LUZP2: variants seen among roughly 807,000 people sequenced by gnomAD.
LUZP2 encodes the protein leucine zipper protein 2.
LUZP2 carries 52 observed loss-of-function variants against 51.6 expected under a neutral mutation model. The ratio of observed to expected loss-of-function variants is 1.01; its 90% confidence interval spans 0.81 to 1.27. The LOEUF (loss-of-function observed/expected upper bound fraction) is 1.27, where lower values mean the gene tolerates loss of function less well. LUZP2 is among the 50% of genes most tolerant of loss of function. The pLI is 0.00. For synonymous variants in LUZP2, 154 were observed against 137.3 expected (o/e 1.12, Z -0.85); for missense variants, 436 against 395.4 (o/e 1.10, Z -0.87).
At chr11:24,877,517 G>A (rs1852311238) in intron 5 of LUZP2, among the ~76,000 whole-genome samples, 1 of 151,996 alleles carries the variant, frequency 6.6e-6, no homozygotes, top group Admixed American at 6.6e-5. Context: ...TTTAACAGAG[G>A]CATGCAATGT....
chr11:24,921,876 T>C (rs1294823291), intron 7 of LUZP2, among the ~76,000 whole-genome samples: 1 of 152,144 alleles, frequency 6.6e-6, no homozygotes, highest in Non-Finnish European at 1.5e-5. Flanking sequence ...TACTCAGGTC[T>C]GTAATGTGTC....
At chr11:24,876,117 A>G (rs1405167300) in intron 5 of LUZP2, among the ~76,000 whole-genome samples, 1 of 151,214 alleles carries the variant, frequency 6.6e-6, no homozygotes, top group African/African-American at 2.4e-5. Context: ...ATTAGATCCC[A>G]TTTGTCAATT....
intron 5 of LUZP2, among the ~76,000 whole-genome samples, chr11:24,839,995 G>A (rs374005231): frequency 6.6e-6 from 1 of 151,598 alleles, no homozygotes; most frequent in Non-Finnish European, 1.5e-5. Flanking sequence ...GCCATGAAAA[G>A]GAAAAGTGGT....
chr11:24,569,829 A>G (rs12272010), intron 1 of LUZP2, among the ~76,000 whole-genome samples: 63,278 of 151,668 alleles, frequency 0.42, 13,725 homozygotes, highest in African/African-American at 0.51. Context: ...AGTATGGGGA[A>G]TCTGTATAAA....
At chr11:24,730,480 C>T (rs532125381) in intron 2 of LUZP2, among the ~76,000 whole-genome samples, 2 of 151,502 alleles carry the variant, frequency 1.3e-5, no homozygotes, top group East Asian at 1.9e-4. Flanking sequence ...CAGGAATCAT[C>T]GTGTTATGAT....
chr11:24,601,539 TAAAC>T (rs2133863074), intron 1 of LUZP2, among the ~76,000 whole-genome samples: 1 of 152,020 alleles, frequency 6.6e-6, no homozygotes, highest in African/African-American at 2.4e-5. Flanking sequence ...TGAGTTGACT[TAAAC>T]AAATACATTT....
intron 7 of LUZP2, among the ~76,000 whole-genome samples, chr11:24,937,994 G>A (rs1414467394): frequency 6.6e-6 from 1 of 151,876 alleles, no homozygotes; most frequent in Non-Finnish European, 1.5e-5. Context: ...TGTAAAACTA[G>A]ATTGCCCACC....
intron 5 of LUZP2, among the ~76,000 whole-genome samples, chr11:24,818,001 C>T (rs1393014548): frequency 6.6e-6 from 1 of 151,986 alleles, no homozygotes; most frequent in Non-Finnish European, 1.5e-5. Flanking sequence ...AGAAATATAG[C>T]AAGCATGGGG....
intron 7 of LUZP2, among the ~76,000 whole-genome samples, chr11:24,937,833 G>A (rs539562485): frequency 3.3e-5 from 5 of 151,620 alleles, no homozygotes; most frequent in African/African-American, 4.8e-5. Context: ...CCCGGGAGGC[G>A]GAGCTGGCAG....
At chr11:24,595,303 G>A (rs1005280891) in intron 1 of LUZP2, among the ~76,000 whole-genome samples, 1 of 152,046 alleles carries the variant, frequency 6.6e-6, no homozygotes, top group African/African-American at 2.4e-5. Flanking sequence ...TACAGATCCG[G>A]ATACCCTCTA....
chr11:24,741,919 CA>C (rs1188130416), intron 4 of LUZP2, among the ~76,000 whole-genome samples: 76 of 16,710 alleles, frequency 4.5e-3, no homozygotes, highest in African/African-American at 8.7e-3. Flanking sequence ...ATAATATATA[CA>C]TTTATATATT....
At chr11:24,610,877 G>A (rs1271489304) in intron 1 of LUZP2, among the ~76,000 whole-genome samples, 5 of 152,122 alleles carry the variant, frequency 3.3e-5, no homozygotes, top group Admixed American at 2.0e-4. Flanking sequence ...CCCAGGAGGC[G>A]AAGGTTGCAG....
chr11:24,709,034 A>G (rs1857722205), intron 1 of LUZP2, among the ~76,000 whole-genome samples: 1 of 152,164 alleles, frequency 6.6e-6, no homozygotes, highest in Non-Finnish European at 1.5e-5. Context: ...AATGATTGTC[A>G]CATCTAGAAG....
chr11:24,603,943 T>A (rs1590231477), intron 1 of LUZP2, among the ~76,000 whole-genome samples: 1 of 151,926 alleles, frequency 6.6e-6, no homozygotes, highest in Non-Finnish European at 1.5e-5. Flanking sequence ...TATAACCTCT[T>A]CAGGCCTGAG....
chr11:24,639,538 G>T (rs1035999461), intron 1 of LUZP2, among the ~76,000 whole-genome samples: 2 of 151,622 alleles, frequency 1.3e-5, no homozygotes, highest in African/African-American at 2.4e-5. Flanking sequence ...CGCAACCTCC[G>T]CCTCCTGGGT....
chr11:24,501,563 A>G (rs1235205247), intron 1 of LUZP2, among the ~76,000 whole-genome samples: 1 of 152,198 alleles, frequency 6.6e-6, no homozygotes, highest in Admixed American at 6.5e-5. Context: ...CCCTTTTACA[A>G]ATGGTGCTAA....
intron 1 of LUZP2, among the ~76,000 whole-genome samples, chr11:24,548,320 G>T (rs778767153): frequency 3.9e-5 from 6 of 151,978 alleles, no homozygotes; most frequent in East Asian, 1.9e-4. Flanking sequence ...TCAAAGGTGG[G>T]CTGGATAAAG....
chr11:24,528,466 A>G (rs977735143), intron 1 of LUZP2, among the ~76,000 whole-genome samples: 2 of 151,346 alleles, frequency 1.3e-5, no homozygotes, highest in African/African-American at 2.4e-5. Flanking sequence ...ATACTTTTTA[A>G]AATGGTGATT....
intron 1 of LUZP2, among the ~76,000 whole-genome samples, chr11:24,664,932 A>G (rs933079069): frequency 1.3e-5 from 2 of 152,128 alleles, no homozygotes; most frequent in African/African-American, 4.8e-5. Context: ...CAGAGTCCCC[A>G]TGGGGTCACT....
Sources: allele counts gnomAD v4.1 joint callset (sites outside exome capture counted in the v4.1 genomes callset), GRCh38; gene constraint gnomAD v4.1.1; transcripts MANE v1.5; gene names NCBI Gene and HGNC (gene_info 2026-07-23, HGNC 2026-07-21).